CNTNAP4: variants seen among roughly 807,000 people sequenced by gnomAD.
The protein encoded by CNTNAP4 is contactin-associated protein-like 4.
Under a neutral mutation model 148.4 loss-of-function variants are expected in CNTNAP4, and 98 were observed. That is an observed-to-expected ratio of 0.66 (90% CI 0.56 to 0.78). The LOEUF (loss-of-function observed/expected upper bound fraction) is 0.78. CNTNAP4 is among the 30% of genes least tolerant of loss of function. The probability of loss-of-function intolerance (pLI) is 0.00; values close to 1 mark genes in which losing one functional copy is unlikely to be tolerated. For missense variants in CNTNAP4, 1,935 were observed against 1,565.6 expected (o/e 1.24, Z -3.98); for synonymous variants, 730 against 565.1 (o/e 1.29, Z -4.14).
At chr16:76,474,189 C>T (rs946675199) in intron 10 of CNTNAP4, among the ~76,000 whole-genome samples, 2 of 152,158 alleles carry the variant, frequency 1.3e-5, no homozygotes, top group Non-Finnish European at 2.9e-5. Context: ...TCCTACCTCC[C>T]CAGAGACTGG....
chr16:76,548,286 T>A (rs1161155412), intron 21 of CNTNAP4, among the ~76,000 whole-genome samples: 4 of 150,362 alleles, frequency 2.7e-5, no homozygotes, highest in African/African-American at 9.8e-5. Flanking sequence ...CTCTCTTGAT[T>A]CACTGCACCT....
intron 3 of CNTNAP4, among the ~76,000 whole-genome samples, chr16:76,358,856 ATATATGTATGTG>A (rs2013044871): frequency 6.6e-6 from 1 of 151,982 alleles, no homozygotes; most frequent in African/African-American, 2.4e-5. Flanking sequence ...GTGTATATAT[ATATATGTATGTG>A]TATATGTATG....
At chr16:76,521,774 T>C (rs527746421) in intron 16 of CNTNAP4, among the ~76,000 whole-genome samples, 1 of 151,150 alleles carries the variant, frequency 6.6e-6, no homozygotes, top group East Asian at 2.0e-4. Flanking sequence ...TTTTTATCGA[T>C]AGGAAAAATT....
At chr16:76,344,320 A>G (rs974511739) in intron 2 of CNTNAP4, among the ~76,000 whole-genome samples, 6 of 152,224 alleles carry the variant, frequency 3.9e-5, no homozygotes, top group African/African-American at 1.4e-4. Context: ...TGCTATACAT[A>G]TGGCAAAATG....
chr16:76,365,647 G>C (rs533651708), intron 3 of CNTNAP4, among the ~76,000 whole-genome samples: 1 of 151,122 alleles, frequency 6.6e-6, no homozygotes, highest in Non-Finnish European at 1.5e-5. Flanking sequence ...AGCTACTTGC[G>C]AGGCTGAGGC....
intron 2 of CNTNAP4, among the ~76,000 whole-genome samples, chr16:76,336,840 A>G (rs908132869): frequency 6.6e-6 from 1 of 152,326 alleles, no homozygotes; most frequent in Admixed American, 6.5e-5. Flanking sequence ...TTCAATGTCT[A>G]CCTTTGATCA....
rs1335203289 is a variant in CNTNAP4, at chr16:76,459,077, A to G, written c.1334-2879A>G. On this transcript the variant is annotated intron_variant, in intron 8 of 23. Coordinates refer to ENST00000611870, the MANE Select transcript of CNTNAP4 (RefSeq NM_033401.5). ...AGTTTGAGAAGAACTGTTGGACACC[A>G]GTGGAAAGTCTAAAATGAAATAAGA... is the stretch of plus-strand genomic sequence containing the variant. Among the ~76,000 whole-genome samples the G allele has an allele frequency of 2.0e-5, 3 of 152,316 alleles. No homozygotes were observed. In the East Asian group the frequency reaches 5.8e-4, roughly 29 times the overall value.
intron 4 of CNTNAP4, among the ~76,000 whole-genome samples, chr16:76,431,408 G>A (rs1379414057): frequency 4.6e-5 from 7 of 151,948 alleles, no homozygotes; most frequent in Non-Finnish European, 1.0e-4. Context: ...GGCAAGGCGC[G>A]GTGGCTCATG....
chr16:76,313,018 C>A (rs985718139), intron 1 of CNTNAP4, among the ~76,000 whole-genome samples: 4 of 152,110 alleles, frequency 2.6e-5, no homozygotes, highest in Non-Finnish European at 2.9e-5. Flanking sequence ...TGCCATGTAA[C>A]CACCAAGGCC....
Position 76,504,015 on chromosome 16 carries a change from C to G in CNTNAP4, c.2365+5321C>G, listed in dbSNP as rs1032598223. 3.3e-5 allele frequency among the ~76,000 whole-genome samples: 5 copies of G among 151,466 alleles called. No homozygotes were observed. In the South Asian group the frequency reaches 1.0e-3, roughly 32 times the overall value. ...GATTTGATAAGATGTCAATTTTTCC[C>G]AAATTTATATATAGACTGAAAACTA... On this transcript the variant is annotated intron_variant, in intron 15 of 23. Coordinates refer to ENST00000611870, the MANE Select transcript of CNTNAP4 (RefSeq NM_033401.5).
At chr16:76,526,037 T>C (rs1401865470) in intron 17 of CNTNAP4, among the ~76,000 whole-genome samples, 2 of 151,952 alleles carry the variant, frequency 1.3e-5, no homozygotes, top group African/African-American at 4.8e-5. Context: ...ATAAATACCA[T>C]AAAGTAAAAA....
chr16:76,441,998 T>C (rs1405634556), intron 4 of CNTNAP4, among the ~76,000 whole-genome samples: 1 of 152,128 alleles, frequency 6.6e-6, no homozygotes, highest in Non-Finnish European at 1.5e-5. Context: ...CCTAATATCT[T>C]AGTCCCTGAA....
At chr16:76,448,336 G>C (rs901800070) in intron 5 of CNTNAP4, 121 bp downstream of exon 5, 2 of 672,866 alleles carry the variant, frequency 3.0e-6, no homozygotes, top group South Asian at 2.1e-5. Flanking sequence ...TCAAGGGCTT[G>C]TACATATGTC....
chr16:76,441,209 C>CA (rs908288606), intron 4 of CNTNAP4, among the ~76,000 whole-genome samples: 4 of 151,656 alleles, frequency 2.6e-5, no homozygotes, highest in African/African-American at 7.3e-5. Flanking sequence ...TAAGCTCTTT[C>CA]AAAAAAACAA....
chr16:76,364,541 A>G (rs921217281), intron 3 of CNTNAP4, among the ~76,000 whole-genome samples: 1 of 152,132 alleles, frequency 6.6e-6, no homozygotes, highest in Non-Finnish European at 1.5e-5. Flanking sequence ...ATTCAATGAC[A>G]ACATCACTCC....
At chr16:76,450,042 G>A (rs186721567) in intron 7 of CNTNAP4, among the ~76,000 whole-genome samples, 184 bp downstream of exon 7, 1 of 152,032 alleles carries the variant, frequency 6.6e-6, no homozygotes, top group African/African-American at 2.4e-5. Context: ...TAATTTTGGG[G>A]GCATAATTAT....
rs567935448 is a variant in CNTNAP4, at chr16:76,473,555, C to T, written c.1656-2384C>T. Among the ~76,000 whole-genome samples the T allele has an allele frequency of 3.9e-5, 6 of 152,130 alleles. No individual in the cohort carries two copies. In the South Asian group the frequency reaches 6.2e-4, roughly 16 times the overall value. On this transcript the variant is annotated intron_variant, in intron 10 of 23. Transcript: ENST00000611870. Reference sequence around the variant, plus strand: ...TTGGGAGGCCGAGGCGGGCAGATCACGAGGTCAGGAGATCGAGACCATCCT... The same window carrying T: ...TTGGGAGGCCGAGGCGGGCAGATCATGAGGTCAGGAGATCGAGACCATCCT...
At chr16:76,497,704 G>C (rs1272349413) in intron 14 of CNTNAP4, among the ~76,000 whole-genome samples, 1 of 148,576 alleles carries the variant, frequency 6.7e-6, no homozygotes, top group Non-Finnish European at 1.5e-5. Flanking sequence ...GGAGTGGGGG[G>C]ATAGGGGAGG....
intron 3 of CNTNAP4, among the ~76,000 whole-genome samples, chr16:76,397,378 C>T (rs1178244643): frequency 6.6e-6 from 1 of 151,926 alleles, no homozygotes; most frequent in Non-Finnish European, 1.5e-5. Context: ...GGGATTAAAT[C>T]ATAAAGGGTT....
Sources: allele counts gnomAD v4.1 joint callset (sites outside exome capture counted in the v4.1 genomes callset), GRCh38; gene constraint gnomAD v4.1.1; transcripts MANE v1.5; gene names NCBI Gene and HGNC (gene_info 2026-07-23, HGNC 2026-07-21).